Variants in TIAM1 observed in about 807,000 individuals in gnomAD.
The protein encoded by TIAM1 is rho guanine nucleotide exchange factor TIAM1.
Under a neutral mutation model 163.5 loss-of-function variants are expected in TIAM1, and 65 were observed. That is an observed-to-expected ratio of 0.40 (90% CI 0.33 to 0.49). The LOEUF is 0.49. Ranked by LOEUF, TIAM1 falls within the 20% of genes least tolerant of loss-of-function variation. TIAM1 has a pLI of 0.77. For synonymous variants in TIAM1, 833 were observed against 810.1 expected, an observed-to-expected ratio of 1.03 and a Z score of -0.48; for missense variants, 1,789 against 2,044.7, an observed-to-expected ratio of 0.87 and a Z score of 2.41.
chr21:31,208,409 A>G (rs2086562254), intron 11 of TIAM1, among the ~76,000 whole-genome samples: 1 of 152,116 alleles, frequency 6.6e-6, no homozygotes, highest in East Asian at 1.9e-4. Context: ...TCTGACAATA[A>G]CTCTTCAGCT....
upstream of TIAM1, among the ~76,000 whole-genome samples, chr21:31,344,853 C>T (rs2076116499): frequency 1.3e-5 from 2 of 152,210 alleles, no homozygotes; most frequent in African/African-American, 4.8e-5. Context: ...TATCTGTCAA[C>T]CTCTTCCTCG....
At chr21:31,393,309 G>T (rs12627681) in intron 2 of TIAM1, among the ~76,000 whole-genome samples, 4 of 152,124 alleles carry the variant, frequency 2.6e-5, no homozygotes, top group African/African-American at 9.7e-5. Flanking sequence ...ATGAAAAACC[G>T]ATTAACACAG....
At chr21:31,265,864 C>T in intron 4 of TIAM1, 146 bp downstream of exon 4, 1 of 1,162,946 alleles carries the variant, frequency 8.6e-7, no homozygotes. Context: ...GAGAGAAATC[C>T]TCCCAAAACA....
At chr21:31,229,772 C>T (rs2088299268) in intron 6 of TIAM1, among the ~76,000 whole-genome samples, 2 of 152,118 alleles carry the variant, frequency 1.3e-5, no homozygotes, top group African/African-American at 2.4e-5. Flanking sequence ...CCTGCCTCAG[C>T]CTCCCGAGCA....
chr21:31,298,769 A>G (rs28616644), intron 2 of TIAM1, among the ~76,000 whole-genome samples: 1 of 78,072 alleles, frequency 1.3e-5, no homozygotes, highest in South Asian at 4.6e-4. Context: ...TGTGTGTGTG[A>G]GAAACAGAGA....
At chr21:31,553,069 T>C (rs1159033928) in intron 1 of TIAM1, among the ~76,000 whole-genome samples, 5 of 152,170 alleles carry the variant, frequency 3.3e-5, no homozygotes, top group Non-Finnish European at 5.9e-5. Context: ...ATCAGAACAG[T>C]ACTAGATAGA....
At chr21:31,243,464 T>C (rs901323746) in intron 6 of TIAM1, among the ~76,000 whole-genome samples, 4 of 151,574 alleles carry the variant, frequency 2.6e-5, no homozygotes, top group African/African-American at 9.7e-5. Context: ...TGGAGCAAGA[T>C]AAATGAGCAG....
At chr21:31,434,526 A>C (rs907261689) in intron 2 of TIAM1, among the ~76,000 whole-genome samples, 7 of 152,230 alleles carry the variant, frequency 4.6e-5, no homozygotes, top group Admixed American at 4.6e-4. Context: ...GTTATGCTCG[A>C]ATATTGTGAA....
chr21:31,385,742 C>T (rs1346598673), intron 2 of TIAM1, among the ~76,000 whole-genome samples: 2 of 148,212 alleles, frequency 1.3e-5, no homozygotes, highest in African/African-American at 5.0e-5. Context: ...ATGTACCCTA[C>T]ACCAGCTGTT....
intron 2 of TIAM1, among the ~76,000 whole-genome samples, chr21:31,311,426 T>C (rs1186582054): frequency 1.3e-5 from 2 of 152,244 alleles, no homozygotes; most frequent in African/African-American, 4.8e-5. Context: ...CCAGGGATTA[T>C]GGCCCAAACA....
intron 2 of TIAM1, among the ~76,000 whole-genome samples, chr21:31,316,246 C>A (rs1260730962): frequency 6.6e-6 from 1 of 152,050 alleles, no homozygotes; most frequent in Non-Finnish European, 1.5e-5. Context: ...TAGCTGTTTC[C>A]TGCCTCCCAC....
At position 31,164,973 on chromosome 21, in the gene TIAM1, G is replaced by C; in HGVS notation, c.2980C>G (p.His994Asp). 6.2e-7 allele frequency: 1 copy of C among 1,614,088 alleles called. No individual in the cohort carries two copies. The highest frequency in any genetic ancestry group is 8.5e-7 in the Non-Finnish European group (1 of 1,180,018). ...PDLESSDETD[H>D]SSKSTEQVAA... ...TGAAAATCTCTCACCTTGCTGCTGTGATCAGTCTCATCTGAGGATTCCAAG... is the reference window on the plus strand; with the variant it reads ...TGAAAATCTCTCACCTTGCTGCTGTCATCAGTCTCATCTGAGGATTCCAAG... The change falls in exon 16 of 28, where the codon CAC becomes GAC. Residue 994 changes from histidine to aspartate, a missense_variant. Around this residue, in one of 5 missense-constraint regions of TIAM1, gnomAD observed 303 missense variants for 321.3 expected, o/e 0.94. Transcript: ENST00000541036.
At chr21:31,131,063 G>T in intron 23 of TIAM1, 115 bp from the exon 24 acceptor site, 1 of 770,950 alleles carries the variant, frequency 1.3e-6, no homozygotes. Context: ...TGAGATCCCA[G>T]TTAACTGACT....
At chr21:31,278,928 T>C (rs1162696717) in intron 2 of TIAM1, among the ~76,000 whole-genome samples, 1 of 152,160 alleles carries the variant, frequency 6.6e-6, no homozygotes, top group Admixed American at 6.5e-5. Flanking sequence ...TATGCTGAAA[T>C]GGACTCATTA....
intron 2 of TIAM1, among the ~76,000 whole-genome samples, chr21:31,374,857 C>A (rs2076657542): frequency 6.6e-6 from 1 of 152,252 alleles, no homozygotes; most frequent in South Asian, 2.1e-4. Flanking sequence ...TTCCTCTGGG[C>A]CATTAAATTA....
chr21:31,487,606 G>A (rs11700892), intron 1 of TIAM1, among the ~76,000 whole-genome samples: 63,033 of 142,794 alleles, frequency 0.44, 14,495 homozygotes, highest in African/African-American at 0.52. Context: ...GCCGGACTGC[G>A]GACTGCAGTG....
intron 1 of TIAM1, among the ~76,000 whole-genome samples, chr21:31,505,277 A>C (rs1239607415): frequency 3.3e-5 from 5 of 152,226 alleles, no homozygotes; most frequent in African/African-American, 1.2e-4. Flanking sequence ...AACTCATGCA[A>C]AAAAGCTTAG....
intron 2 of TIAM1, among the ~76,000 whole-genome samples, chr21:31,324,808 A>T (rs1184142831): frequency 6.6e-6 from 1 of 152,200 alleles, no homozygotes; most frequent in Non-Finnish European, 1.5e-5. Flanking sequence ...AAACAACAAA[A>T]TCATTTCTTT....
intron 2 of TIAM1, among the ~76,000 whole-genome samples, chr21:31,308,239 A>G (rs2074792049): frequency 6.6e-6 from 1 of 152,110 alleles, no homozygotes; most frequent in Non-Finnish European, 1.5e-5. Flanking sequence ...AGATGGAGTG[A>G]AATGTCATCT....
Sources: allele counts gnomAD v4.1 joint callset (sites outside exome capture counted in the v4.1 genomes callset), GRCh38; gene constraint gnomAD v4.1.1; regional missense constraint gnomAD v4.1.1; transcripts MANE v1.5; gene names NCBI Gene and HGNC (gene_info 2026-07-23, HGNC 2026-07-21).